The following FOCAD variants were observed in gnomAD, a reference collection of about 807,000 sequenced individuals.
The protein encoded by FOCAD is KIAA1797.
A neutral mutation model predicts 225.6 loss-of-function variants in FOCAD; 198 were observed. The ratio of observed to expected loss-of-function variants is 0.88; its 90% CI spans 0.78 to 0.99. The LOEUF is 0.99. Ranked by LOEUF, FOCAD falls within the 50% of genes least tolerant of loss-of-function variation. FOCAD has a pLI of 0.00. For missense variants in FOCAD, 2,713 were observed against 2,123.6 expected (o/e 1.28, Z -5.46); for synonymous variants, 897 against 755.0 (o/e 1.19, Z -3.08).
At chr9:20,769,154 T>G (rs1226219397) in intron 7 of FOCAD, among the ~76,000 whole-genome samples, 1 of 152,242 alleles carries the variant, frequency 6.6e-6, no homozygotes, top group East Asian at 1.9e-4. Flanking sequence ...CAATGTTTTC[T>G]GCTATTTCTT....
chr9:20,784,632 G>A (rs1819729947), intron 10 of FOCAD, among the ~76,000 whole-genome samples: 1 of 152,196 alleles, frequency 6.6e-6, no homozygotes, highest in African/African-American at 2.4e-5. Flanking sequence ...GCTTGACTGA[G>A]CTGGGGTCTA....
At chr9:20,707,197 T>C (rs1824460864) in intron 1 of FOCAD, among the ~76,000 whole-genome samples, 1 of 152,198 alleles carries the variant, frequency 6.6e-6, no homozygotes, top group African/African-American at 2.4e-5. Context: ...ACCAAGTGGC[T>C]CTGTCACACC....
intron 24 of FOCAD, among the ~76,000 whole-genome samples, chr9:20,919,147 G>T (rs923559196): frequency 5.3e-4 from 80 of 152,138 alleles, no homozygotes; most frequent in Admixed American, 1.4e-3. Flanking sequence ...TGCAAAAATC[G>T]CAAGCATTCT....
intron 5 of FOCAD, among the ~76,000 whole-genome samples, chr9:20,743,172 A>T (rs1265624550): frequency 6.6e-6 from 1 of 152,204 alleles, no homozygotes; most frequent in Non-Finnish European, 1.5e-5. Context: ...ATCCAGCCTT[A>T]GAGAGGCAAC....
At chr9:20,862,771 A>G (rs534771234) in intron 16 of FOCAD, 59 bp downstream of exon 16, 39 of 1,553,222 alleles carry the variant, frequency 2.5e-5, no homozygotes, top group Admixed American at 2.3e-4. Context: ...GTGTGTTATA[A>G]TAACTTTTGG....
intron 40 of FOCAD, 82 bp from the exon 41 acceptor site, chr9:20,988,250 T>G (rs935719866): frequency 2.0e-5 from 16 of 797,948 alleles, no homozygotes; most frequent in Non-Finnish European, 3.3e-5. Context: ...TGTTCTGCTT[T>G]AGTTATGATG....
At chr9:20,698,614 G>C (rs1206441672) in intron 1 of FOCAD, among the ~76,000 whole-genome samples, 1 of 152,052 alleles carries the variant, frequency 6.6e-6, no homozygotes, top group Non-Finnish European at 1.5e-5. Context: ...TGCCCAGGCT[G>C]GACTTGAAAT....
At chr9:20,889,139 C>T (rs1053982267) in intron 21 of FOCAD, among the ~76,000 whole-genome samples, 1 of 152,194 alleles carries the variant, frequency 6.6e-6, no homozygotes, top group Non-Finnish European at 1.5e-5. Context: ...TTCATTTTCC[C>T]TTGTCCTTAG....
intron 2 of FOCAD, among the ~76,000 whole-genome samples, chr9:20,672,582 C>G (rs1230543540): frequency 2.6e-5 from 4 of 152,192 alleles, no homozygotes; most frequent in Admixed American, 2.6e-4. Flanking sequence ...TCCAGAGTAG[C>G]TGGGACAACA....
chr9:20,754,432 G>A (rs1026291802), intron 5 of FOCAD, among the ~76,000 whole-genome samples: 4 of 151,922 alleles, frequency 2.6e-5, no homozygotes, highest in African/African-American at 9.7e-5. Context: ...AGTGTGTTCT[G>A]TTACTCTTGT....
intron 15 of FOCAD, among the ~76,000 whole-genome samples, chr9:20,859,412 T>G (rs1828548771): frequency 1.3e-5 from 2 of 150,970 alleles, no homozygotes; most frequent in African/African-American, 4.8e-5. Context: ...AAGAAAATAT[T>G]ATTCTCAATT....
Position 20,995,570 on chromosome 9 carries a change from T to C in FOCAD, c.5347T>C (p.Leu1783=), listed in dbSNP as rs370024703. ...TGTCCCCTTAGCCACCCTGCTGTCC[T>C]TGAGAGTTCTCCCAGAGTTTAAGAA... The part of the protein sequence containing the change: ...RDLLKATLLS[L]RVLPEFKKKA... The change falls in exon 44 of 44, where the codon TTG becomes CTG. Residue 1783 remains leucine (L), a synonymous_variant. Coordinates refer to ENST00000338382, the MANE Select transcript of FOCAD (RefSeq NM_001375567.1). The C allele has an allele frequency of 2.5e-6, 4 of 1,612,672 alleles. No homozygotes were observed. In the African/African-American group the frequency reaches 4.0e-5, roughly 16 times the overall value.
At chr9:20,925,441 C>A (rs745562912) in intron 25 of FOCAD, among the ~76,000 whole-genome samples, 2 of 152,198 alleles carry the variant, frequency 1.3e-5, no homozygotes, top group Non-Finnish European at 2.9e-5. Flanking sequence ...AGAAACCACA[C>A]AGTCCAAAGA....
At chr9:20,954,262 A>G (rs1487767328) in intron 35 of FOCAD, among the ~76,000 whole-genome samples, 1 of 152,218 alleles carries the variant, frequency 6.6e-6, no homozygotes, top group South Asian at 2.1e-4. Flanking sequence ...AGTCTACTTA[A>G]AATAAATATT....
At chr9:20,934,322 G>T (rs182634878) in intron 28 of FOCAD, among the ~76,000 whole-genome samples, 5 of 152,220 alleles carry the variant, frequency 3.3e-5, no homozygotes, top group Admixed American at 6.5e-5. Flanking sequence ...GTTATTTTTA[G>T]AATTTTTATA....
At chr9:20,895,764 G>GT (rs1219130852) in intron 21 of FOCAD, among the ~76,000 whole-genome samples, 1 of 151,748 alleles carries the variant, frequency 6.6e-6, no homozygotes, top group Non-Finnish European at 1.5e-5. Context: ...GGTTCCAGGA[G>GT]TTTTTTGTCA....
chr9:20,921,716 T>A (rs1180158440), intron 24 of FOCAD, among the ~76,000 whole-genome samples: 1 of 152,228 alleles, frequency 6.6e-6, no homozygotes, highest in Non-Finnish European at 1.5e-5. Context: ...CCAGTGTTTT[T>A]AAATAAATTT....
chr9:20,786,429 C>T (rs907455754), intron 10 of FOCAD, among the ~76,000 whole-genome samples: 4 of 152,146 alleles, frequency 2.6e-5, no homozygotes, highest in Non-Finnish European at 4.4e-5. Flanking sequence ...CAGCTCTTGT[C>T]TAGAGTCTTC....
intron 1 of FOCAD, among the ~76,000 whole-genome samples, chr9:20,701,993 GAAT>G (rs1279055300): frequency 6.6e-6 from 1 of 152,222 alleles, no homozygotes; most frequent in Non-Finnish European, 1.5e-5. Context: ...TTCAGACTCA[GAAT>G]AATAACATTT....
Sources: allele counts gnomAD v4.1 joint callset (sites outside exome capture counted in the v4.1 genomes callset), GRCh38; gene constraint gnomAD v4.1.1; transcripts MANE v1.5; gene names NCBI Gene and HGNC (gene_info 2026-07-23, HGNC 2026-07-21).